Variants in CASP8 observed in about 807,000 individuals in gnomAD.
The protein encoded by CASP8 is caspase-8.
Under a neutral mutation model 46.3 loss-of-function variants are expected in CASP8, and 24 were observed. The observed-to-expected ratio is 0.52, with a 90% CI of 0.38 to 0.73. CASP8 has a LOEUF of 0.73. Among genes scored for constraint, CASP8 ranks in the 30% least tolerant of loss-of-function variants. CASP8 has a pLI of 0.00. For synonymous variants in CASP8, 188 were observed against 200.4 expected, an observed-to-expected ratio of 0.94 and a Z score of 0.52; for missense variants, 460 against 559.0, an observed-to-expected ratio of 0.82 and a Z score of 1.79.
chr2:201,282,750 T>G (rs1480915861), intron 7 of CASP8, among the ~76,000 whole-genome samples: 3 of 70,034 alleles, frequency 4.3e-5, no homozygotes, highest in East Asian at 4.6e-4. Flanking sequence ...GGGTCCTCAC[T>G]TCCCAGTAGG....
intron 1 of CASP8, among the ~76,000 whole-genome samples, chr2:201,233,839 A>C (rs1945925391): frequency 6.6e-6 from 1 of 152,166 alleles, no homozygotes; most frequent in Non-Finnish European, 1.5e-5. Context: ...CAGGGAGTAG[A>C]AGACAGATAT....
chr2:201,267,168 A>C (rs547737006), intron 2 of CASP8, among the ~76,000 whole-genome samples: 38 of 152,256 alleles, frequency 2.5e-4, no homozygotes, highest in African/African-American at 8.7e-4. Context: ...CATTACTTAG[A>C]GGTATGCTGA....
intron 7 of CASP8, among the ~76,000 whole-genome samples, chr2:201,281,510 A>C (rs1949006330): frequency 6.6e-6 from 1 of 152,124 alleles, no homozygotes. Context: ...AAAAACTGAA[A>C]GTGGTTGCCT....
Position 201,286,736 on chromosome 2 carries a change from CT to C in CASP8, c.*143del. 8.9e-6 allele frequency: 6 copies of C among 677,012 alleles called. No homozygotes were observed. The highest frequency in any genetic ancestry group is 1.5e-5 in the Non-Finnish European group (6 of 387,116). 41.9% of individuals were successfully genotyped at this position (677,012 alleles called of 1,614,324 possible). A position where few individuals can be genotyped will look rare whatever the true frequency, so the allele number is the denominator to read the frequency against. ...GTTCAGGCCATTCTCCTGCCTCAGC[CT>C]CCCGAGTAGCTGGGACTACAGGGGC... On this transcript the variant is annotated 3_prime_UTR_variant, in exon 9 of 9. Transcript: ENST00000673742.
upstream of CASP8, among the ~76,000 whole-genome samples, chr2:201,256,628 ATC>A (rs1444678736): frequency 6.6e-6 from 1 of 152,114 alleles, no homozygotes; most frequent in Non-Finnish European, 1.5e-5. Flanking sequence ...TCATAGAAAA[ATC>A]TCTGTTTTTG....
chr2:201,287,071 G>T lies in CASP8; in HGVS notation c.*477G>T. 1 of 180,402 alleles carries T rather than the reference G, an allele frequency of 5.5e-6. No homozygotes were observed. 11.2% of individuals were successfully genotyped at this position (180,402 alleles called of 1,614,324 possible). On this transcript the variant is annotated 3_prime_UTR_variant, in exon 9 of 9. Coordinates refer to ENST00000673742, the MANE Select transcript of CASP8 (RefSeq NM_001372051.1). ...TCCTTTCTCTTATGCTTAAGGCTTT[G>T]GGAATGTTTTTAGCTGGTGGCAATA... is the stretch of plus-strand genomic sequence containing the variant.
At chr2:201,243,936 C>T (rs1946405256) in intron 2 of CASP8, among the ~76,000 whole-genome samples, 1 of 152,146 alleles carries the variant, frequency 6.6e-6, no homozygotes. Flanking sequence ...GTTTGGCCTG[C>T]CAGGTAAAGC....
rs766339060 is a variant in CASP8 at position 201,271,635 on chromosome 2, T to C, written c.411+14T>C. ...GATGATGACATGGTAAGACCTGGTATCTTACTGAGATTTAGTCCTGAGACT... is the reference window on the plus strand; with the variant it reads ...GATGATGACATGGTAAGACCTGGTACCTTACTGAGATTTAGTCCTGAGACT... On this transcript the variant is annotated intron_variant, in intron 3 of 8. Transcript: ENST00000673742. 4 of 1,453,910 alleles carry C rather than the reference T, an allele frequency of 2.8e-6. No individual in the cohort carries two copies. The highest frequency in any genetic ancestry group is 2.9e-6 in the Non-Finnish European group (3 of 1,033,818). 90.1% of individuals were successfully genotyped at this position (1,453,910 alleles called of 1,614,324 possible).
chr2:201,233,776 A>G (rs529000486), intron 1 of CASP8, among the ~76,000 whole-genome samples: 4 of 152,366 alleles, frequency 2.6e-5, no homozygotes, highest in African/African-American at 7.2e-5. Context: ...ATTTGAATCC[A>G]GATCTGCCTG....
intron 2 of CASP8, among the ~76,000 whole-genome samples, chr2:201,247,590 T>A (rs1050171463): frequency 3.3e-5 from 5 of 151,858 alleles, no homozygotes; most frequent in African/African-American, 1.2e-4. Flanking sequence ...GTGATTCTCA[T>A]GCCTCAGCCT....
At chr2:201,234,679 A>C (rs778921675) in intron 2 of CASP8, among the ~76,000 whole-genome samples, 3 of 151,658 alleles carry the variant, frequency 2.0e-5, no homozygotes, top group Non-Finnish European at 4.4e-5. Flanking sequence ...GGCTGGTCTC[A>C]AACTTCTGGC....
chr2:201,247,581 T>C (rs1248208366), intron 2 of CASP8, among the ~76,000 whole-genome samples: 1 of 149,302 alleles, frequency 6.7e-6, no homozygotes, highest in Non-Finnish European at 1.5e-5. Flanking sequence ...CAGGTTCAAG[T>C]GATTCTCATG....
At chr2:201,250,530 A>G (rs1256594242) in intron 2 of CASP8, among the ~76,000 whole-genome samples, 1 of 152,198 alleles carries the variant, frequency 6.6e-6, no homozygotes, top group Non-Finnish European at 1.5e-5. Flanking sequence ...GAAGCAAGAG[A>G]GCGGGGAGGT....
intron 2 of CASP8, among the ~76,000 whole-genome samples, chr2:201,236,114 G>A (rs1422059987): frequency 2.0e-5 from 3 of 152,226 alleles, no homozygotes; most frequent in Non-Finnish European, 4.4e-5. Context: ...AACTATCACT[G>A]CAGTCAGGAT....
intron 2 of CASP8, among the ~76,000 whole-genome samples, chr2:201,251,100 A>G (rs1294829600): frequency 1.3e-5 from 2 of 152,100 alleles, no homozygotes; most frequent in South Asian, 2.1e-4. Flanking sequence ...ATTTCTTTTT[A>G]TTGCTGAATA....
intron 7 of CASP8, 175 bp downstream of exon 7, chr2:201,277,143 TTTTTAAAAA>T: frequency 1.9e-6 from 1 of 515,314 alleles, no homozygotes; most frequent in Non-Finnish European, 3.4e-6. Flanking sequence ...TTTCCTGCTT[TTTTTAAAAA>T]TTAATTTTTT....
Position 201,248,990 on chromosome 2 carries a change from C to G in CASP8, c.-27+14878C>G, listed in dbSNP as rs112617429. ...CACTACAACCTCTGCCTCCTGGGTTCAAGCAATTCTCATGACTCAGCCTCC... is the reference window on the plus strand; with the variant it reads ...CACTACAACCTCTGCCTCCTGGGTTGAAGCAATTCTCATGACTCAGCCTCC... On this transcript the variant is annotated intron_variant, in intron 2 of 6. Coordinates refer to the CASP8 transcript ENST00000264274. Among the ~76,000 whole-genome samples, 357 of 152,268 alleles carry G rather than the reference C, an allele frequency of 2.3e-3. 1 individual carries two copies. Among genetic ancestry groups the G allele is most frequent in the African/African-American group, 8.3e-3 (344 of 41,544 alleles).
rs199830384 is a variant in CASP8, at chr2:201,269,613, C to G, written c.306-1903C>G. On this transcript the variant is annotated intron_variant, in intron 2 of 8. Transcript: ENST00000673742. ...CGATCATCTATTAATAAGGCAGGATCTCTCTTAAAATCTTTAATGTATTGG... is the reference window on the plus strand; with the variant it reads ...CGATCATCTATTAATAAGGCAGGATGTCTCTTAAAATCTTTAATGTATTGG... 1.1e-5 allele frequency: 17 copies of G among 1,600,160 alleles called. No individual in the cohort carries two copies. The East Asian group carries it at 3.6e-4, about 34-fold the overall frequency.
At chr2:201,268,016 T>A (rs1240748195) in intron 2 of CASP8, among the ~76,000 whole-genome samples, 1 of 152,208 alleles carries the variant, frequency 6.6e-6, no homozygotes, top group African/African-American at 2.4e-5. Flanking sequence ...AACATCTACC[T>A]CCAGGGTTCA....
Sources: allele counts gnomAD v4.1 joint callset (sites outside exome capture counted in the v4.1 genomes callset), GRCh38; gene constraint gnomAD v4.1.1; transcripts MANE v1.5; gene names NCBI Gene and HGNC (gene_info 2026-07-23, HGNC 2026-07-21).